Variants in APAF1 observed in about 807,000 individuals in gnomAD.
The protein encoded by APAF1 is apoptotic protease-activating factor 1.
In APAF1, 91 loss-of-function variants were observed where a neutral mutation model predicts 152.4. That is an observed-to-expected ratio of 0.60 (90% CI 0.50 to 0.71). The LOEUF (loss-of-function observed/expected upper bound fraction) is 0.71. APAF1 is among the 30% of genes least tolerant of loss of function. The pLI is 0.00. For missense variants in APAF1, 1,283 were observed against 1,472.0 expected (o/e 0.87, Z 2.10); for synonymous variants, 484 against 494.1 (o/e 0.98, Z 0.27).
At position 98,649,543 on chromosome 12, in the gene APAF1, A is replaced by G. The variant is rs749757628; in HGVS notation, c.385A>G (p.Arg129Gly). 2 of 1,614,216 alleles carry G rather than the reference A, an allele frequency of 1.2e-6. No individual in the cohort carries two copies. The highest frequency in any genetic ancestry group is 1.7e-6 in the Non-Finnish European group (2 of 1,180,040). ...VPQRPVVFVT[R>G]KKLVNAIQQK... The stretch of plus-strand genomic sequence containing the variant: ...ACAGAGGCCAGTTGTTTTTGTCACA[A>G]GGAAGAAGCTGGTGAATGCAATTCA... The change falls in exon 4 of 27, where the codon AGG becomes GGG. Residue 129 changes from arginine to glycine, a missense_variant. Physicochemically the swap from Arg to Gly is moderately radical, Grantham distance 125. Coordinates refer to ENST00000551964, the MANE Select transcript of APAF1 (RefSeq NM_181861.2).
rs991262141 is a variant in APAF1, at chr12:98,699,649, T to A, written c.2466+80T>A. ...GTTCATTTTTGCATTTTACAATGTTTATTCATAAAAATAAAGTCTAGCTGT... is the reference window on the plus strand; with the variant it reads ...GTTCATTTTTGCATTTTACAATGTTAATTCATAAAAATAAAGTCTAGCTGT... On this transcript the variant is annotated intron_variant, in intron 17 of 26. Transcript: ENST00000551964. The A allele has an allele frequency of 2.3e-5, 34 of 1,509,060 alleles. No individual in the cohort carries two copies. In the Admixed American group the frequency reaches 2.6e-4, roughly 12 times the overall value. The allele number at this position is 1,509,060 out of a possible 1,614,324, so 93.5% of individuals were successfully genotyped here.
intron 4 of APAF1, among the ~76,000 whole-genome samples, chr12:98,657,362 T>C (rs1420635988): frequency 6.6e-6 from 1 of 152,180 alleles, no homozygotes; most frequent in Non-Finnish European, 1.5e-5. Flanking sequence ...AGTCCTCTCC[T>C]TATCTGGAGT....
chr12:98,672,523 A>G (rs1162002700), intron 12 of APAF1, among the ~76,000 whole-genome samples: 2 of 151,828 alleles, frequency 1.3e-5, no homozygotes, highest in African/African-American at 4.8e-5. Context: ...TCCTTTGCAC[A>G]TATAGTCCTT....
At position 98,723,120 on chromosome 12, in the gene APAF1, T is replaced by C. The variant is rs751248548; in HGVS notation, c.3085-73T>C. On this transcript the variant is annotated intron_variant, in intron 22 of 26. Coordinates refer to ENST00000551964, the MANE Select transcript of APAF1 (RefSeq NM_181861.2). Reference sequence around the variant, plus strand: ...GTAAAAGACTTTAGACAAGAGAATGTACACTCTCTCCACCCCTCCAATGAG... The same window carrying C: ...GTAAAAGACTTTAGACAAGAGAATGCACACTCTCTCCACCCCTCCAATGAG... 4.6e-5 allele frequency: 69 copies of C among 1,507,418 alleles called. 1 individual carries two copies. The highest frequency in any genetic ancestry group is 3.0e-4 in the Admixed American group (18 of 59,560). The allele number at this position is 1,507,418 out of a possible 1,614,324, so 93.4% of individuals were successfully genotyped here.
chr12:98,686,028 G>A (rs1481370541), intron 15 of APAF1, among the ~76,000 whole-genome samples: 1 of 152,120 alleles, frequency 6.6e-6, no homozygotes, highest in Non-Finnish European at 1.5e-5. Flanking sequence ...TAAATACTAT[G>A]TTTATTATCA....
In APAF1 at chr12:98,648,184, T is replaced by C. The variant is rs1170619093; in HGVS notation, c.-41-135T>C. 10 of 749,156 alleles carry C rather than the reference T, an allele frequency of 1.3e-5. No homozygotes were observed. In the Admixed American group the frequency reaches 2.2e-4, roughly 16 times the overall value. The allele number at this position is 749,156 out of a possible 1,614,324, so 46.4% of individuals were successfully genotyped here. On this transcript the variant is annotated intron_variant, in intron 1 of 26. Transcript: ENST00000551964. ...TTCTCATACCTTTCCAAGCACTGGG[T>C]TTTGTCCATTTAAAAATTTTTGCCA...
chr12:98,686,708 A>G lies in APAF1; in HGVS notation c.2179-40A>G, dbSNP rs371169377. 2.1e-5 allele frequency: 34 copies of G among 1,592,938 alleles called. No homozygotes were observed. In the African/African-American group the frequency reaches 3.6e-4, roughly 17 times the overall value. ...ATGATTTCTGATGTTTCCCCACTCAATACTAGTTGTTTATTTATCTTTTTT... is the reference window on the plus strand; with the variant it reads ...ATGATTTCTGATGTTTCCCCACTCAGTACTAGTTGTTTATTTATCTTTTTT... On this transcript the variant is annotated intron_variant, in intron 15 of 26. Coordinates refer to ENST00000551964, the MANE Select transcript of APAF1 (RefSeq NM_181861.2).
intron 22 of APAF1, among the ~76,000 whole-genome samples, chr12:98,718,241 T>C (rs2097737277): frequency 6.6e-6 from 1 of 152,176 alleles, no homozygotes; most frequent in South Asian, 2.1e-4. Flanking sequence ...TTTCTTTCTT[T>C]TTTTTCTTTT....
chr12:98,707,296 G>A (rs566475366), intron 19 of APAF1, among the ~76,000 whole-genome samples: 22 of 152,146 alleles, frequency 1.4e-4, no homozygotes, highest in East Asian at 1.2e-3. Flanking sequence ...CAAACACTCC[G>A]TAGTTCCCTG....
At chr12:98,718,280 C>T (rs144474317) in intron 22 of APAF1, among the ~76,000 whole-genome samples, 1,901 of 151,892 alleles carry the variant, frequency 0.013, 61 homozygotes, top group East Asian at 0.073. Flanking sequence ...TTGCCTAGGC[C>T]GGAGTGCAGT....
chr12:98,657,972 GT>G (rs1321619676), intron 4 of APAF1, among the ~76,000 whole-genome samples: 6 of 152,108 alleles, frequency 3.9e-5, no homozygotes, highest in African/African-American at 1.4e-4. Flanking sequence ...GGGTGATTAG[GT>G]TTTTAAAGTA....
chr12:98,683,973 GA>G (rs1479387881), intron 15 of APAF1, among the ~76,000 whole-genome samples: 1 of 152,182 alleles, frequency 6.6e-6, no homozygotes, highest in Non-Finnish European at 1.5e-5. Flanking sequence ...AGTGGATAAA[GA>G]TAGCTAGATT....
At chr12:98,662,939 G>A (rs866925864) in intron 7 of APAF1, 133 bp downstream of exon 7, 39 of 712,264 alleles carry the variant, frequency 5.5e-5, no homozygotes, top group Middle Eastern at 8.1e-4. Context: ...AGTATTTTAG[G>A]TTCTCTGATA....
chr12:98,648,246 T>C, intron 1 of APAF1, 73 bp from the exon 2 acceptor site: 1 of 1,341,344 alleles, frequency 7.5e-7, no homozygotes, highest in South Asian at 1.2e-5. Context: ...TTACGTTTCT[T>C]GTTTATTAGT....
At chr12:98,680,925 A>G (rs1251643391) in intron 14 of APAF1, among the ~76,000 whole-genome samples, 1 of 152,236 alleles carries the variant, frequency 6.6e-6, no homozygotes, top group Non-Finnish European at 1.5e-5. Flanking sequence ...GTAAGATACA[A>G]TTTTAAAATG....
At chr12:98,723,397 G>A in intron 23 of APAF1, 85 bp downstream of exon 23, 1 of 1,440,672 alleles carries the variant, frequency 6.9e-7, no homozygotes, top group Non-Finnish European at 9.6e-7. Context: ...CCACTGTGAG[G>A]CTAATTACTT....
At position 98,665,710 on chromosome 12, in the gene APAF1, T is replaced by A; in HGVS notation, c.1113T>A (p.Ser371Arg). The A allele has an allele frequency of 6.2e-7, 1 of 1,614,088 alleles. No individual in the cohort carries two copies. The highest frequency in any genetic ancestry group is 8.5e-7 in the Non-Finnish European group (1 of 1,179,996). ...YEALDEAMSISVEMLREDIKD... is the reference protein window; with the variant it reads ...YEALDEAMSIRVEMLREDIKD... The stretch of plus-strand genomic sequence containing the variant: ...CTCTAGATGAAGCCATGTCTATAAG[T>A]GTTGAAATGCTCAGAGAAGACATCA... The change falls in exon 8 of 27, where the codon AGT becomes AGA. Residue 371 changes from serine to arginine, a missense_variant. Physicochemically the swap from Ser to Arg is moderately radical, Grantham distance 110. Transcript: ENST00000551964.
At chr12:98,711,694 T>C (rs2097728065) in intron 20 of APAF1, among the ~76,000 whole-genome samples, 1 of 152,202 alleles carries the variant, frequency 6.6e-6, no homozygotes. Flanking sequence ...AGATGAGTGA[T>C]AAGGCATCAT....
At chr12:98,694,096 C>G (rs2097707287) in intron 16 of APAF1, among the ~76,000 whole-genome samples, 1 of 152,050 alleles carries the variant, frequency 6.6e-6, no homozygotes, top group African/African-American at 2.4e-5. Flanking sequence ...TGAAACTAGA[C>G]CTTTACCTTT....
Sources: gnomAD v4.1 joint callset for allele counts (sites outside exome capture counted in the v4.1 genomes callset) on GRCh38, gnomAD v4.1.1 for gene constraint, MANE v1.5 for transcripts, NCBI Gene and HGNC (gene_info 2026-07-23, HGNC 2026-07-21) for gene names.